The following CLVS1 variants were observed in gnomAD, a reference collection of about 807,000 sequenced individuals.
CLVS1 encodes clavesin-1.
A neutral mutation model predicts 33.1 loss-of-function variants in CLVS1; 10 were observed. The ratio of observed to expected loss-of-function variants is 0.30; its 90% CI spans 0.19 to 0.51. CLVS1 has a LOEUF of 0.51. CLVS1 is among the 20% of genes least tolerant of loss of function. The pLI is 0.97. For synonymous variants in CLVS1, 163 were observed against 166.1 expected (o/e 0.98, Z 0.14); for missense variants, 343 against 433.4 (o/e 0.79, Z 1.85).
At chr8:60,973,970 A>G in the CLVS1 span, among the ~76,000 whole-genome samples, 3 of 151,840 alleles carry the variant, frequency 2.0e-5, no homozygotes, top group Non-Finnish European at 4.4e-5. Context: ...TATTCTTTTG[A>G]TTTGCTTTTT....
intron 2 of CLVS1, among the ~76,000 whole-genome samples, chr8:61,354,486 C>A (rs1048104270): frequency 6.6e-6 from 1 of 151,970 alleles, no homozygotes; most frequent in South Asian, 2.1e-4. Context: ...GGGCATTTAT[C>A]TCAGATAAAT....
chr8:61,035,735 A>G, the CLVS1 span, among the ~76,000 whole-genome samples: 2 of 152,340 alleles, frequency 1.3e-5, no homozygotes, highest in East Asian at 3.9e-4. Flanking sequence ...ACACCTCAAC[A>G]ATGATGATAC....
At chr8:61,138,894 G>T (rs1460268039) in intron 2 of CLVS1, among the ~76,000 whole-genome samples, 1 of 152,248 alleles carries the variant, frequency 6.6e-6, no homozygotes, top group Non-Finnish European at 1.5e-5. Flanking sequence ...GCTCTTTCCC[G>T]ATTGTAAATA....
the CLVS1 span, among the ~76,000 whole-genome samples, chr8:60,995,884 T>G: frequency 7.2e-5 from 11 of 152,214 alleles, no homozygotes; most frequent in East Asian, 2.1e-3. Context: ...AAATTGGAAA[T>G]CATCGTTCTC....
At chr8:61,027,918 G>A in the CLVS1 span, among the ~76,000 whole-genome samples, 1 of 152,094 alleles carries the variant, frequency 6.6e-6, no homozygotes, top group South Asian at 2.1e-4. Flanking sequence ...TTTGTTTATT[G>A]GTGAATCGAC....
chr8:61,014,952 C>T, the CLVS1 span, among the ~76,000 whole-genome samples: 1 of 152,220 alleles, frequency 6.6e-6, no homozygotes, highest in Non-Finnish European at 1.5e-5. Context: ...TCTGTGATGG[C>T]CTGACCATCA....
chr8:61,419,626 C>T (rs1204507988), intron 3 of CLVS1, among the ~76,000 whole-genome samples: 4 of 152,140 alleles, frequency 2.6e-5, no homozygotes, highest in African/African-American at 9.7e-5. Context: ...TACCTTTTGA[C>T]ATTAATACAG....
intron 2 of CLVS1, among the ~76,000 whole-genome samples, chr8:61,215,622 C>T (rs1371185558): frequency 6.6e-6 from 1 of 151,642 alleles, no homozygotes; most frequent in Non-Finnish European, 1.5e-5. Flanking sequence ...TTTGAAGCCC[C>T]ATATTTCCTC....
intron 2 of CLVS1, among the ~76,000 whole-genome samples, chr8:61,369,858 A>C (rs1187528725): frequency 6.6e-6 from 1 of 152,218 alleles, no homozygotes; most frequent in Non-Finnish European, 1.5e-5. Context: ...GTCAAAATAC[A>C]TCAGCAGATG....
At chr8:61,291,320 T>C (rs1809983463) in intron 1 of CLVS1, among the ~76,000 whole-genome samples, 1 of 152,186 alleles carries the variant, frequency 6.6e-6, no homozygotes, top group Non-Finnish European at 1.5e-5. Context: ...TTTCTCCACA[T>C]GTGTTTGAGA....
intron 2 of CLVS1, among the ~76,000 whole-genome samples, chr8:61,175,245 A>T (rs1464799511): frequency 6.6e-6 from 1 of 152,218 alleles, no homozygotes; most frequent in Non-Finnish European, 1.5e-5. Flanking sequence ...TGATGAGGTC[A>T]TGAGAATAGA....
chr8:61,429,445 C>G (rs569425993), intron 3 of CLVS1, among the ~76,000 whole-genome samples: 1 of 137,306 alleles, frequency 7.3e-6, no homozygotes, highest in African/African-American at 2.8e-5. Context: ...AAAAAAAAAG[C>G]CTGCAAGAGA....
intron 1 of CLVS1, among the ~76,000 whole-genome samples, chr8:61,113,673 T>C (rs892746641): frequency 1.2e-4 from 18 of 152,230 alleles, no homozygotes; most frequent in African/African-American, 4.1e-4. Context: ...CCATGCAGTG[T>C]CACCTGGAAA....
At chr8:61,090,630 G>A (rs1805226583) in intron 1 of CLVS1, among the ~76,000 whole-genome samples, 1 of 152,278 alleles carries the variant, frequency 6.6e-6, no homozygotes, top group East Asian at 1.9e-4. Flanking sequence ...GTTGCATTTG[G>A]AAGTTGGTGG....
chr8:61,105,313 C>T lies in CLVS1; in HGVS notation c.-242-26457C>T, dbSNP rs531755795. Among the ~76,000 whole-genome samples the T allele has an allele frequency of 6.6e-5, 10 of 152,204 alleles. No individual in the cohort carries two copies. The South Asian group carries it at 2.1e-3, about 32-fold the overall frequency. ...TAGCTTACACACATACACATACATG[C>T]ACACACACACAATTTCACATAAAGC... On this transcript the variant is annotated intron_variant, in intron 1 of 2. Coordinates refer to the CLVS1 transcript ENST00000522621.
chr8:61,124,748 T>C (rs1805940629), intron 1 of CLVS1, among the ~76,000 whole-genome samples: 1 of 152,138 alleles, frequency 6.6e-6, no homozygotes, highest in Admixed American at 6.5e-5. Context: ...TGTGGGGCAT[T>C]GGGTGCAGAA....
At chr8:61,002,821 T>C in the CLVS1 span, among the ~76,000 whole-genome samples, 2 of 152,236 alleles carry the variant, frequency 1.3e-5, no homozygotes, top group Admixed American at 1.3e-4. Flanking sequence ...TCTATTAAGT[T>C]TTCCTTGCTA....
At chr8:61,203,144 T>G in intron 2 of CLVS1, 1 of 1,181,424 alleles carries the variant, frequency 8.5e-7, no homozygotes. Context: ...GGAAGCCAAG[T>G]TCATCAATTA....
chr8:61,117,953 G>T (rs1393874863), intron 1 of CLVS1, among the ~76,000 whole-genome samples: 1 of 152,204 alleles, frequency 6.6e-6, no homozygotes, highest in Non-Finnish European at 1.5e-5. Context: ...AATGGTACCA[G>T]TTCCTCCTTG....
Sources: gnomAD v4.1 joint callset for allele counts (sites outside exome capture counted in the v4.1 genomes callset) on GRCh38, gnomAD v4.1.1 for gene constraint, MANE v1.5 for transcripts, NCBI Gene and HGNC (gene_info 2026-07-23, HGNC 2026-07-21) for gene names.